The following PRKN variants were observed in gnomAD, a reference collection of about 807,000 sequenced individuals.
PRKN encodes E3 ubiquitin-protein ligase parkin.
In PRKN, 56 loss-of-function variants were observed where a neutral mutation model predicts 59.5. That is an observed-to-expected ratio of 0.94 (90% CI 0.76 to 1.18). The LOEUF (loss-of-function observed/expected upper bound fraction) is 1.18. PRKN is among the 50% of genes most tolerant of loss of function. PRKN has a pLI of 0.00. For synonymous variants in PRKN, 250 were observed against 222.1 expected, an observed-to-expected ratio of 1.13 and a Z score of -1.12; for missense variants, 657 against 596.4, an observed-to-expected ratio of 1.10 and a Z score of -1.06.
intron 2 of PRKN, among the ~76,000 whole-genome samples, chr6:162,368,459 C>T (rs1012498446): frequency 1.3e-5 from 2 of 152,114 alleles, no homozygotes; most frequent in African/African-American, 4.8e-5. Flanking sequence ...TTTCTTAAAA[C>T]GCAACTATTC....
At chr6:162,230,629 T>A (rs1355514415) in intron 3 of PRKN, among the ~76,000 whole-genome samples, 1 of 152,178 alleles carries the variant, frequency 6.6e-6, no homozygotes, top group South Asian at 2.1e-4. Flanking sequence ...ACAGCATACA[T>A]AACTTGAAGA....
intron 6 of PRKN, among the ~76,000 whole-genome samples, chr6:161,837,230 G>A (rs1159178782): frequency 5.9e-5 from 9 of 152,110 alleles, no homozygotes; most frequent in African/African-American, 2.2e-4. Flanking sequence ...GGAAAATGGT[G>A]TTGTCTGAAA....
intron 2 of PRKN, among the ~76,000 whole-genome samples, chr6:162,298,497 C>A (rs1263001614): frequency 1.3e-5 from 2 of 151,774 alleles, no homozygotes; most frequent in African/African-American, 2.4e-5. Flanking sequence ...ACTGACACAC[C>A]CTGGAATTAC....
chr6:161,683,101 T>C (rs1015199966), intron 7 of PRKN, among the ~76,000 whole-genome samples: 3 of 152,340 alleles, frequency 2.0e-5, no homozygotes, highest in African/African-American at 7.2e-5. Flanking sequence ...TTTACTCATC[T>C]GGCAAGGGCC....
chr6:162,089,919 T>C (rs532210726), intron 4 of PRKN, among the ~76,000 whole-genome samples: 10 of 152,208 alleles, frequency 6.6e-5, no homozygotes, highest in Admixed American at 2.0e-4. Flanking sequence ...ACTGCTACTG[T>C]GTACAGGCTT....
intron 6 of PRKN, among the ~76,000 whole-genome samples, chr6:161,970,395 G>A (rs1253625202): frequency 1.9e-5 from 2 of 107,276 alleles, no homozygotes; most frequent in Non-Finnish European, 4.0e-5. Context: ...AGCATGATAC[G>A]AAACTATATA....
chr6:161,783,835 G>T (rs1305451144), intron 7 of PRKN: 4 of 334,902 alleles, frequency 1.2e-5, no homozygotes, highest in South Asian at 2.6e-5. Flanking sequence ...TATATTATGT[G>T]AATCTTAGTT....
At chr6:162,239,564 T>A (rs989940138) in intron 3 of PRKN, among the ~76,000 whole-genome samples, 15 of 151,960 alleles carry the variant, frequency 9.9e-5, no homozygotes, top group Admixed American at 5.9e-4. Flanking sequence ...CTCGGCTTCG[T>A]GGGAGTTGAG....
chr6:161,555,002 A>G (rs1780182808), intron 8 of PRKN, among the ~76,000 whole-genome samples: 1 of 152,088 alleles, frequency 6.6e-6, no homozygotes, highest in Non-Finnish European at 1.5e-5. Flanking sequence ...CTGTGTCAGG[A>G]AAGTTGTACT....
chr6:161,548,920 C>A lies in PRKN; in HGVS notation c.1017G>T (p.Ala339=), dbSNP rs546676036. Residue 339 remains alanine (A), a synonymous_variant, in exon 9 of 12, where the codon GCG becomes GCT. Transcript: ENST00000366898. This position sits in a 1 kb window ranked among gnomAD's most constrained non-coding sequence, Gnocchi z 4.2. ...GVLCPRPGCG[A]GLLPEPDQRK... ...TCTGGTCAGGCTCCGGCAGCAGCCC[C>A]GCTCCACAGCCAGGGCGGGGGCATA... 1 of 1,614,182 alleles carries A rather than the reference C, an allele frequency of 6.2e-7. No individual in the cohort carries two copies. Among genetic ancestry groups the A allele is most frequent in the Non-Finnish European group, 8.5e-7 (1 of 1,180,022 alleles).
chr6:161,441,506 G>A (rs188760519), intron 9 of PRKN, among the ~76,000 whole-genome samples: 7 of 152,002 alleles, frequency 4.6e-5, no homozygotes, highest in Admixed American at 6.6e-5. Context: ...TTTGCTGGGC[G>A]TGGTGGCACG....
intron 1 of PRKN, among the ~76,000 whole-genome samples, chr6:162,655,479 C>T (rs1300710303): frequency 2.6e-5 from 4 of 152,114 alleles, no homozygotes; most frequent in Non-Finnish European, 5.9e-5. Flanking sequence ...CAAATTAACA[C>T]TAATTAGCAA....
intron 1 of PRKN, among the ~76,000 whole-genome samples, chr6:162,550,757 G>A (rs1014404099): frequency 6.6e-6 from 1 of 152,188 alleles, no homozygotes; most frequent in Non-Finnish European, 1.5e-5. Flanking sequence ...TTCTTACAAA[G>A]ATGTAGAAGG....
chr6:162,242,854 TC>T (rs1779040013), intron 3 of PRKN, among the ~76,000 whole-genome samples: 1 of 152,150 alleles, frequency 6.6e-6, no homozygotes, highest in Non-Finnish European at 1.5e-5. Flanking sequence ...AACTGCATCT[TC>T]ATGGTAAGGA....
Position 161,402,419 on chromosome 6 carries a change from T to C in PRKN, c.1084-15542A>G, listed in dbSNP as rs559588693. On this transcript the variant is annotated intron_variant, in intron 9 of 11. Coordinates refer to ENST00000366898, the MANE Select transcript of PRKN (RefSeq NM_004562.3). This position sits in a 1 kb window ranked among gnomAD's most constrained non-coding sequence, Gnocchi z 4.5. ...TGACTGTGTCCCAGGGCGGCTGAGA[T>C]AATGCGCGGATCTCAGGTGAGTCGA... is the stretch of plus-strand genomic sequence containing the variant. Among the ~76,000 whole-genome samples the C allele has an allele frequency of 1.3e-4, 20 of 152,272 alleles. No individual in the cohort carries two copies. The highest frequency in any genetic ancestry group is 4.3e-4 in the African/African-American group (18 of 41,532).
intron 1 of PRKN, among the ~76,000 whole-genome samples, chr6:162,472,826 A>G (rs1791826871): frequency 6.8e-6 from 1 of 146,738 alleles, no homozygotes; most frequent in African/African-American, 2.5e-5. Context: ...ATCTTAGTAG[A>G]AGTTGAACAA....
chr6:161,901,056 C>T (rs767104761), intron 6 of PRKN, among the ~76,000 whole-genome samples: 1 of 151,460 alleles, frequency 6.6e-6, no homozygotes, highest in Non-Finnish European at 1.5e-5. Flanking sequence ...GCTGGCACTA[C>T]AGGCACATGC....
Position 162,328,185 on chromosome 6 carries a change from C to A in PRKN, c.172-65420G>T, listed in dbSNP as rs181623940. On this transcript the variant is annotated intron_variant, in intron 2 of 11. Coordinates refer to ENST00000366898, the MANE Select transcript of PRKN (RefSeq NM_004562.3). ...ACCATCCTGGCCAACATGGTGATACCCCGTCTCTACTAAAAATACAAAAAG... is the reference window on the plus strand; with the variant it reads ...ACCATCCTGGCCAACATGGTGATACACCGTCTCTACTAAAAATACAAAAAG... Among the ~76,000 whole-genome samples the A allele has an allele frequency of 2.1e-4, 11 of 51,292 alleles. No homozygotes were observed. In the East Asian group the frequency reaches 4.6e-3, roughly 21 times the overall value. The allele number at this position is 51,292 out of a possible 152,430, so 33.6% of individuals were successfully genotyped here.
chr6:161,426,999 G>A lies in PRKN; in HGVS notation c.1084-40122C>T, dbSNP rs188617863. Among the ~76,000 whole-genome samples the A allele has an allele frequency of 9.3e-4, 141 of 152,094 alleles. 3 individuals are homozygous for A. In the South Asian group the frequency reaches 0.025, roughly 28 times the overall value. ...CTCCCAAAGTGCTGGGATTACAGGC[G>A]TGAGCCACTACTCCTGGCCTACTTA... On this transcript the variant is annotated intron_variant, in intron 9 of 11. Coordinates refer to ENST00000366898, the MANE Select transcript of PRKN (RefSeq NM_004562.3).
Sources: allele counts gnomAD v4.1 joint callset (sites outside exome capture counted in the v4.1 genomes callset), GRCh38; gene constraint gnomAD v4.1.1; non-coding constraint Gnocchi (gnomAD v3.1); transcripts MANE v1.5; gene names NCBI Gene and HGNC (gene_info 2026-07-23, HGNC 2026-07-21).